SLC43A2: variants seen among roughly 807,000 people sequenced by gnomAD.
The protein encoded by SLC43A2 is solute carrier family 43 member 2.
Under a neutral mutation model 63.2 loss-of-function variants are expected in SLC43A2, and 38 were observed. The ratio of observed to expected loss-of-function variants is 0.60; its 90% CI spans 0.46 to 0.79. The LOEUF (loss-of-function observed/expected upper bound fraction) is 0.79. Among genes scored for constraint, SLC43A2 ranks in the 30% least tolerant of loss-of-function variants. The probability of loss-of-function intolerance (pLI) is 0.00; values close to 1 mark genes in which losing one functional copy is unlikely to be tolerated. For missense variants in SLC43A2, 644 were observed against 756.2 expected (o/e 0.85, Z 1.74); for synonymous variants, 322 against 331.0 (o/e 0.97, Z 0.30).
intron 2 of SLC43A2, among the ~76,000 whole-genome samples, chr17:1,626,385 A>G (rs78135061): frequency 0.049 from 7,433 of 151,990 alleles, 610 homozygotes; most frequent in African/African-American, 0.17. Context: ...ACTCTTCCCA[A>G]CTCCCAAGAT....
intron 9 of SLC43A2, chr17:1,586,927 A>AGGGGGG: frequency 7.4e-7 from 1 of 1,355,944 alleles, no homozygotes; most frequent in Non-Finnish European, 1.0e-6. Context: ...TTCCCTGACA[A>AGGGGGG]TCCCCCCCAC....
At chr17:1,594,670 C>T (rs1198056528) in intron 5 of SLC43A2, among the ~76,000 whole-genome samples, 1 of 144,680 alleles carries the variant, frequency 6.9e-6, no homozygotes, top group East Asian at 2.1e-4. Flanking sequence ...TCACTGCAAG[C>T]TCCGCCTCCC....
intron 5 of SLC43A2, among the ~76,000 whole-genome samples, chr17:1,599,266 G>A (rs1418069289): frequency 6.6e-6 from 1 of 151,996 alleles, no homozygotes; most frequent in Non-Finnish European, 1.5e-5. Context: ...CTTGAACCCA[G>A]GGGGCAGAGG....
At chr17:1,576,550 A>T (rs764223586) in intron 13 of SLC43A2, 47 bp downstream of exon 13, 40 of 1,558,230 alleles carry the variant, frequency 2.6e-5, no homozygotes, top group South Asian at 6.9e-5. Flanking sequence ...CGCAGTTAGC[A>T]GAAGGGGGCA....
chr17:1,621,055 C>A (rs1488448600), intron 2 of SLC43A2, among the ~76,000 whole-genome samples: 3 of 152,234 alleles, frequency 2.0e-5, no homozygotes. Context: ...AGAAGACAGG[C>A]AAGAGTTGGT....
chr17:1,589,203 C>T (rs1904515056), intron 9 of SLC43A2, among the ~76,000 whole-genome samples: 1 of 152,222 alleles, frequency 6.6e-6, no homozygotes, highest in Admixed American at 6.5e-5. Context: ...AAAGATTTCT[C>T]AGACAGCTTG....
At chr17:1,616,283 A>C (rs1907654369) in intron 3 of SLC43A2, 1 of 462,372 alleles carries the variant, frequency 2.2e-6, no homozygotes, top group Non-Finnish European at 3.8e-6. Context: ...ATGCTTATGA[A>C]CTACAAAGGG....
At chr17:1,611,996 G>C (rs897891840) in intron 5 of SLC43A2, among the ~76,000 whole-genome samples, 11 of 152,022 alleles carry the variant, frequency 7.2e-5, no homozygotes, top group African/African-American at 2.7e-4. Context: ...ACAGAGTCTG[G>C]CTCTGTCGCC....
At chr17:1,616,218 G>A (rs1031149249) in intron 3 of SLC43A2, 12 of 273,600 alleles carry the variant, frequency 4.4e-5, no homozygotes, top group Non-Finnish European at 6.8e-5. Context: ...TGCCAGCTTC[G>A]TAACAAGGTT....
At chr17:1,597,270 C>T (rs1383346645) in intron 5 of SLC43A2, among the ~76,000 whole-genome samples, 2 of 151,486 alleles carry the variant, frequency 1.3e-5, no homozygotes, top group East Asian at 1.9e-4. Context: ...TTTGGGAGGC[C>T]GAGGTGGGCA....
At chr17:1,575,790 T>C in intron 13 of SLC43A2, 25 bp from the exon 14 acceptor site, 2 of 1,592,314 alleles carry the variant, frequency 1.3e-6, no homozygotes, top group Non-Finnish European at 1.7e-6. Context: ...AGGCCGCGCA[T>C]CACAGGGCGT....
rs1907843410 is a variant in SLC43A2, at chr17:1,618,108, T to C, written c.161-1339A>G. Among the ~76,000 whole-genome samples the C allele has an allele frequency of 2.0e-5, 3 of 152,202 alleles. No individual in the cohort carries two copies. In the South Asian group the frequency reaches 6.2e-4, roughly 31 times the overall value. ...AGGTTTGCAAAAGCTTGCTCAGGCC[T>C]CTCGGGGTTCCTCCAAGGTTACTGG... On this transcript the variant is annotated intron_variant, in intron 2 of 13. Coordinates refer to ENST00000301335, the MANE Select transcript of SLC43A2 (RefSeq NM_152346.3).
intron 5 of SLC43A2, chr17:1,604,579 G>T: frequency 1.4e-6 from 1 of 718,350 alleles, no homozygotes; most frequent in South Asian, 1.8e-5. Flanking sequence ...CATCAACACA[G>T]CACGCTATTG....
rs1274659819 is a variant in SLC43A2 at position 1,574,405 on chromosome 17, C to T, written c.*1199G>A. 1 of 152,624 alleles carries T rather than the reference C, an allele frequency of 6.6e-6. No homozygotes were observed. The highest frequency in any genetic ancestry group is 2.4e-5 in the African/African-American group (1 of 41,420). 9.5% of individuals were successfully genotyped at this position (152,624 alleles called of 1,614,324 possible). ...GATATGCCAGAAGGGGCATCCCTTA[C>T]CCGGAGGAAAATGGATTTATTGCTT... On this transcript the variant is annotated 3_prime_UTR_variant, in exon 14 of 14. Transcript: ENST00000301335.
chr17:1,608,688 C>A (rs1309899679), intron 5 of SLC43A2, among the ~76,000 whole-genome samples: 2 of 152,128 alleles, frequency 1.3e-5, no homozygotes, highest in African/African-American at 4.8e-5. Flanking sequence ...GCCACCGCAC[C>A]CGGCCACCGC....
intron 5 of SLC43A2, among the ~76,000 whole-genome samples, chr17:1,596,686 T>C (rs28798822): frequency 0.056 from 8,552 of 151,942 alleles, 710 homozygotes; most frequent in African/African-American, 0.18. Context: ...TTCATGCCAT[T>C]CTCCCACCTC....
chr17:1,602,696 C>T (rs900851198), intron 5 of SLC43A2, among the ~76,000 whole-genome samples: 1 of 151,066 alleles, frequency 6.6e-6, no homozygotes, highest in Non-Finnish European at 1.5e-5. Context: ...GTTCTATATA[C>T]TATGAATAAA....
chr17:1,629,213 C>G (rs925379425), upstream of SLC43A2, among the ~76,000 whole-genome samples: 9 of 151,676 alleles, frequency 5.9e-5, no homozygotes, highest in Non-Finnish European at 1.3e-4. Flanking sequence ...GCGCCCCCAG[C>G]CGGGCTCTCC....
Position 1,611,036 on chromosome 17 carries a change from T to C in SLC43A2, c.501+2159A>G, listed in dbSNP as rs1392736342. Among the ~76,000 whole-genome samples, 9 of 151,962 alleles carry C rather than the reference T, an allele frequency of 5.9e-5. No homozygotes were observed. The East Asian group carries it at 1.8e-3, about 30-fold the overall frequency. On this transcript the variant is annotated intron_variant, in intron 5 of 13. Transcript: ENST00000301335. ...TTGTATATTTTAGTAGAGACGGGGT[T>C]TCACTATCTTGGGCCAGGCTGGTCT...
Sources: allele counts gnomAD v4.1 joint callset (sites outside exome capture counted in the v4.1 genomes callset), GRCh38; gene constraint gnomAD v4.1.1; transcripts MANE v1.5; gene names NCBI Gene and HGNC (gene_info 2026-07-23, HGNC 2026-07-21).